Variants in GPBP1 observed in about 807,000 individuals in gnomAD.
GPBP1 encodes vasculin.
A neutral mutation model predicts 56.5 loss-of-function variants in GPBP1; 13 were observed. The observed-to-expected ratio is 0.23, with a 90% CI of 0.15 to 0.37. The LOEUF (loss-of-function observed/expected upper bound fraction) is 0.37, where lower values mean the gene tolerates loss of function less well. Ranked by LOEUF, GPBP1 falls within the 10% of genes least tolerant of loss-of-function variation. The pLI is 1.00. For synonymous variants in GPBP1, 204 were observed against 188.9 expected, an observed-to-expected ratio of 1.08 and a Z score of -0.66; for missense variants, 477 against 572.3, an observed-to-expected ratio of 0.83 and a Z score of 1.70.
In GPBP1 at chr5:57,221,314, C is replaced by A. The variant is rs148213153; in HGVS notation, c.63+7121C>A. On this transcript the variant is annotated intron_variant, in intron 3 of 11. Transcript: ENST00000506184. ...CACTAGTTTTTTCTTTTGTGATTTT[C>A]TAGTTTTTTTAAATTCCATTAAATA... 3.0e-5 allele frequency: 35 copies of A among 1,167,414 alleles called. No homozygotes were observed. The South Asian group carries it at 6.1e-4, about 20-fold the overall frequency. 72.3% of individuals were successfully genotyped at this position (1,167,414 alleles called of 1,614,324 possible).
chr5:57,202,210 C>T (rs1343129122), intron 2 of GPBP1, among the ~76,000 whole-genome samples: 2 of 152,052 alleles, frequency 1.3e-5, no homozygotes, highest in South Asian at 2.1e-4. Context: ...GTCTCAAACT[C>T]CTGGGCCCAA....
chr5:57,195,931 A>C (rs2111662685), intron 2 of GPBP1, among the ~76,000 whole-genome samples: 1 of 127,304 alleles, frequency 7.9e-6, no homozygotes, highest in South Asian at 2.6e-4. Flanking sequence ...TGAACTAGAG[A>C]GGCGGAGATT....
intron 1 of GPBP1, among the ~76,000 whole-genome samples, chr5:57,174,504 C>T (rs1014017023): frequency 7.9e-5 from 12 of 152,258 alleles, no homozygotes; most frequent in African/African-American, 2.6e-4. Flanking sequence ...AGGCTGGGAG[C>T]GAGTCCGACG....
At chr5:57,220,460 C>CT (rs5868040) in intron 3 of GPBP1, among the ~76,000 whole-genome samples, 1,737 of 138,948 alleles carry the variant, frequency 0.013, 17 homozygotes, top group African/African-American at 0.03. Flanking sequence ...ACAATTTAAA[C>CT]TTTTTTTTTT....
intron 2 of GPBP1, among the ~76,000 whole-genome samples, chr5:57,182,051 C>T (rs1754074410): frequency 1.3e-5 from 2 of 152,074 alleles, no homozygotes; most frequent in African/African-American, 4.8e-5. Flanking sequence ...TTGGTGGGTG[C>T]AGTGCTTTTG....
chr5:57,237,478 G>C, intron 6 of GPBP1: 1 of 282,542 alleles, frequency 3.5e-6, no homozygotes, highest in Admixed American at 4.5e-5. Context: ...TTTCAGGGTT[G>C]GTCTAAGGAT....
chr5:57,247,148 T>C lies in GPBP1; in HGVS notation c.737T>C (p.Val246Ala), dbSNP rs535427670. ...TTCCCTCATGAGTCCACATTTGGCG[T>C]TGGCAACTTTAATGCTTTTAAATCA... ...TSFPHESTFG[V>A]GNFNAFKSTA... is the part of the protein sequence containing the mutation. The change falls in exon 8 of 12, where the codon GTT becomes GCT. Residue 246 changes from valine to alanine, a missense_variant. Transcript: ENST00000506184. The C allele has an allele frequency of 6.2e-7, 1 of 1,613,784 alleles. No homozygotes were observed. The highest frequency in any genetic ancestry group is 2.2e-5 in the East Asian group (1 of 44,820).
At chr5:57,202,807 T>C (rs192112688) in intron 2 of GPBP1, among the ~76,000 whole-genome samples, 3 of 152,350 alleles carry the variant, frequency 2.0e-5, no homozygotes, top group Non-Finnish European at 4.4e-5. Flanking sequence ...TTAGGCCATA[T>C]TGCTCATATT....
intron 2 of GPBP1, among the ~76,000 whole-genome samples, chr5:57,208,976 T>C (rs1273079372): frequency 6.6e-6 from 1 of 152,196 alleles, no homozygotes; most frequent in East Asian, 1.9e-4. Context: ...TCTGTTTAGG[T>C]CTTTTAACAT....
chr5:57,189,118 A>G (rs1378072344), intron 2 of GPBP1, among the ~76,000 whole-genome samples: 1 of 150,324 alleles, frequency 6.7e-6, no homozygotes, highest in Non-Finnish European at 1.5e-5. Flanking sequence ...GCACCACCAT[A>G]CCCGGCTAAT....
rs148083992 is a variant in GPBP1, at chr5:57,203,135, T to C, written c.-57-10939T>C. On this transcript the variant is annotated intron_variant, in intron 2 of 11. Transcript: ENST00000506184. ...TTTTGTGTGTTGTATCTTTAATATG[T>C]CTCAAAAATTGAGAATTAAAAACAT... 3.1e-3 allele frequency among the ~76,000 whole-genome samples: 476 copies of C among 152,314 alleles called. 4 individuals carry two copies. Among genetic ancestry groups the C allele is most frequent in the African/African-American group, 0.011 (455 of 41,554 alleles).
intron 2 of GPBP1, among the ~76,000 whole-genome samples, chr5:57,212,168 TCCAC>T (rs1201592582): frequency 6.6e-6 from 1 of 152,036 alleles, no homozygotes; most frequent in African/African-American, 2.4e-5. Flanking sequence ...GACCTTGTGA[TCCAC>T]CCACCCCAGC....
chr5:57,225,613 A>G (rs569602382), intron 3 of GPBP1, among the ~76,000 whole-genome samples: 13 of 152,294 alleles, frequency 8.5e-5, no homozygotes, highest in African/African-American at 3.1e-4. Flanking sequence ...AGACTAACCA[A>G]TTTCATGGCT....
intron 2 of GPBP1, among the ~76,000 whole-genome samples, chr5:57,185,784 G>A (rs1754258867): frequency 6.6e-6 from 1 of 151,960 alleles, no homozygotes; most frequent in Non-Finnish European, 1.5e-5. Flanking sequence ...CAGATCGCTT[G>A]AGCCCAGGAG....
chr5:57,246,237 G>T, intron 6 of GPBP1, 63 bp from the exon 7 acceptor site: 1 of 1,314,570 alleles, frequency 7.6e-7, no homozygotes, highest in South Asian at 1.5e-5. Context: ...TTCTTTTGGT[G>T]GTTTTATTCT....
In GPBP1 at chr5:57,178,871, GTCCCTTTCTAAA is replaced by G. The variant is rs990194352; in HGVS notation, c.-58+2472_-58+2483del. On this transcript the variant is annotated intron_variant, in intron 2 of 11. Transcript: ENST00000506184. ...TCTACTCTTTATATTTTGCTTTTTTGTCCCTTTCTAAACTGTAGGTCTAAAAATAATAATCAT... is the reference window on the plus strand; with the variant it reads ...TCTACTCTTTATATTTTGCTTTTTTGCTGTAGGTCTAAAAATAATAATCAT... 5.2e-4 allele frequency among the ~76,000 whole-genome samples: 79 copies of G among 151,978 alleles called. 1 individual carries two copies. The highest frequency in any genetic ancestry group is 1.9e-3 in the African/African-American group (79 of 41,450).
chr5:57,251,382 G>A (rs939020431), intron 10 of GPBP1, among the ~76,000 whole-genome samples: 11 of 152,102 alleles, frequency 7.2e-5, no homozygotes. Context: ...CCTTGTGTAT[G>A]TATCTTATAT....
rs1741985269 is a variant in GPBP1, at chr5:57,263,224, C to T, written c.*472C>T. The T allele has an allele frequency of 6.5e-6, 1 of 152,734 alleles. No individual in the cohort carries two copies. Among genetic ancestry groups the T allele is most frequent in the Non-Finnish European group, 1.5e-5 (1 of 68,276 alleles). The allele number at this position is 152,734 out of a possible 1,614,324, so 9.5% of individuals were successfully genotyped here. ...TCCCTCTCCTTCCCCCAAAAAACAA[C>T]AACAACAAAACAAAAACCAAAAAGG... On this transcript the variant is annotated 3_prime_UTR_variant, in exon 12 of 12. Transcript: ENST00000506184.
In GPBP1 at chr5:57,231,134, C is replaced by T; in HGVS notation, c.224C>T (p.Thr75Ile). Residue 75 changes from threonine (T) to isoleucine (I), a missense_variant, in exon 5 of 12, where the codon ACA becomes ATA. Physicochemically the swap from Thr to Ile is moderately conservative, Grantham distance 89. This residue lies in a region of GPBP1 where 414 missense variants were observed against 458.2 expected (regional missense o/e 0.90). Coordinates refer to ENST00000506184, the MANE Select transcript of GPBP1 (RefSeq NM_022913.4). ...AGGAAAGAAAAAAATGGATGGCGTACACATGGAAGAAATGGTACAGAAAAC... is the reference window on the plus strand; with the variant it reads ...AGGAAAGAAAAAAATGGATGGCGTATACATGGAAGAAATGGTACAGAAAAC... Reference protein sequence around the residue: ...FGRKEKNGWRTHGRNGTENIN... With the variant: ...FGRKEKNGWRIHGRNGTENIN... The T allele has an allele frequency of 6.2e-7, 1 of 1,613,992 alleles. No individual in the cohort carries two copies. Among genetic ancestry groups the T allele is most frequent in the East Asian group, 2.2e-5 (1 of 44,874 alleles).
Sources: allele counts gnomAD v4.1 joint callset (sites outside exome capture counted in the v4.1 genomes callset), GRCh38; gene constraint gnomAD v4.1.1; regional missense constraint gnomAD v4.1.1; transcripts MANE v1.5; gene names NCBI Gene and HGNC (gene_info 2026-07-23, HGNC 2026-07-21).